RPAP2: variants seen among roughly 807,000 people sequenced by gnomAD.
The protein encoded by RPAP2 is putative RNA polymerase II subunit B1 CTD phosphatase RPAP2.
Under a neutral mutation model 73.1 loss-of-function variants are expected in RPAP2, and 52 were observed. That is an observed-to-expected ratio of 0.71 (90% CI 0.57 to 0.90). The LOEUF is 0.90. Ranked by LOEUF, RPAP2 falls within the 40% of genes least tolerant of loss-of-function variation. The pLI is 0.00. For missense variants in RPAP2, 598 were observed against 701.8 expected (o/e 0.85, Z 1.67); for synonymous variants, 225 against 242.1 (o/e 0.93, Z 0.65).
chr1:92,342,797 T>A (rs1653672020), intron 10 of RPAP2, among the ~76,000 whole-genome samples: 1 of 152,126 alleles, frequency 6.6e-6, no homozygotes, highest in Admixed American at 6.5e-5. Context: ...ATTTGTGGCC[T>A]GAGCAACTGG....
In RPAP2 at chr1:92,380,886, G is replaced by A. The variant is rs1358858824; in HGVS notation, c.1838+13G>A. The A allele has an allele frequency of 2.6e-6, 4 of 1,537,970 alleles. No individual in the cohort carries two copies. Among genetic ancestry groups the A allele is most frequent in the East Asian group, 4.9e-5 (2 of 41,206 alleles). The stretch of plus-strand genomic sequence containing the variant: ...GTTTACCAGAGTGGTAAGTTGGATT[G>A]TGTTTTATTTTGGTTTTTATTCTTC... On this transcript the variant is annotated intron_variant, in intron 12 of 12. Transcript: ENST00000610020.
intron 7 of RPAP2, among the ~76,000 whole-genome samples, chr1:92,322,425 T>G (rs980776484): frequency 2.0e-5 from 3 of 151,304 alleles, no homozygotes; most frequent in African/African-American, 4.9e-5. Context: ...GCACCTGTAA[T>G]CCCAGCTACT....
chr1:92,376,434 C>T (rs116505298), intron 11 of RPAP2, among the ~76,000 whole-genome samples: 3,671 of 152,236 alleles, frequency 0.024, 62 homozygotes, highest in Admixed American at 0.036. Context: ...ACTGACTAAA[C>T]TTTCCAAGAA....
chr1:92,324,775 G>C (rs1286308878), intron 8 of RPAP2, among the ~76,000 whole-genome samples: 4 of 152,058 alleles, frequency 2.6e-5, no homozygotes, highest in Non-Finnish European at 4.4e-5. Context: ...GAATAGACTT[G>C]GTAGTTACAT....
intron 11 of RPAP2, among the ~76,000 whole-genome samples, chr1:92,349,432 G>A (rs546788492): frequency 1.3e-5 from 2 of 152,224 alleles, no homozygotes; most frequent in East Asian, 3.9e-4. Flanking sequence ...GTATTAGTAT[G>A]TTGCTATAAT....
rs1444810964 is a variant in RPAP2 at position 92,324,296 on chromosome 1, T to C, written c.1376T>C (p.Leu459Ser). ...YENLKKETEKLNLRIREFYRG... is the reference protein window; with the variant it reads ...YENLKKETEKSNLRIREFYRG... The stretch of plus-strand genomic sequence containing the variant: ...AATTTGAAAAAAGAAACTGAAAAGT[T>C]AAATCTGAGGATCAGGGAGTTTTAC... The change falls in exon 8 of 13, where the codon TTA (leucine) becomes TCA (serine). Residue 459 changes from leucine to serine, a missense_variant. Physicochemically the swap from Leu to Ser is moderately radical, Grantham distance 145. Around this residue, in one of 3 missense-constraint regions of RPAP2, gnomAD observed 506 missense variants for 612.8 expected, o/e 0.83. Transcript: ENST00000610020. 1.2e-6 allele frequency: 2 copies of C among 1,614,044 alleles called. No homozygotes were observed. The highest frequency in any genetic ancestry group is 1.7e-5 in the Admixed American group (1 of 60,024).
chr1:92,336,046 T>C (rs1653261108), intron 9 of RPAP2, among the ~76,000 whole-genome samples: 1 of 152,202 alleles, frequency 6.6e-6, no homozygotes, highest in Admixed American at 6.5e-5. Context: ...TCTTTCCATC[T>C]TGGTCTAATA....
At chr1:92,380,646 C>T in intron 11 of RPAP2, 78 bp from the exon 12 acceptor site, 1 of 984,890 alleles carries the variant, frequency 1.0e-6, no homozygotes, top group Non-Finnish European at 1.4e-6. Context: ...ATAAAATTTT[C>T]TCTGCCATGT....
intron 6 of RPAP2, among the ~76,000 whole-genome samples, chr1:92,314,188 CCAGTCT>C (rs1437529998): frequency 6.6e-6 from 1 of 152,156 alleles, no homozygotes; most frequent in Non-Finnish European, 1.5e-5. Context: ...TAGCTTTTGG[CCAGTCT>C]CAGCTTTTGA....
chr1:92,333,540 T>C (rs934483874), intron 9 of RPAP2, 67 bp downstream of exon 9: 5 of 1,039,822 alleles, frequency 4.8e-6, no homozygotes, highest in Non-Finnish European at 7.5e-6. Context: ...AAGCTCATAA[T>C]GTGTAAGTAT....
At position 92,317,596 on chromosome 1, in the gene RPAP2, T is replaced by C. The variant is rs1027226388; in HGVS notation, c.489-3003T>C. 2.6e-5 allele frequency among the ~76,000 whole-genome samples: 4 copies of C among 152,156 alleles called. No individual in the cohort carries two copies. The East Asian group carries it at 5.8e-4, about 22-fold the overall frequency. The stretch of plus-strand genomic sequence containing the variant: ...CCATCTAGCAGACAATTTGGGAAGA[T>C]GAAAAAGTGCTGGAGATGCATGGTG... On this transcript the variant is annotated intron_variant, in intron 6 of 12. Coordinates refer to ENST00000610020, the MANE Select transcript of RPAP2 (RefSeq NM_024813.3).
chr1:92,363,756 T>C, intron 11 of RPAP2: 1 of 353,560 alleles, frequency 2.8e-6, no homozygotes, highest in Non-Finnish European at 5.6e-6. Flanking sequence ...ATGATCTACT[T>C]CCACTTAATG....
chr1:92,354,606 A>G (rs1654371609), intron 11 of RPAP2, among the ~76,000 whole-genome samples: 1 of 152,222 alleles, frequency 6.6e-6, no homozygotes, highest in Admixed American at 6.5e-5. Context: ...TTAAATGCAA[A>G]CATTAACAGG....
At chr1:92,369,824 G>C (rs1655076025) in intron 11 of RPAP2, among the ~76,000 whole-genome samples, 2 of 152,100 alleles carry the variant, frequency 1.3e-5, no homozygotes, top group South Asian at 4.1e-4. Context: ...GCAGGTGTTT[G>C]GTAAGATCTT....
At chr1:92,373,250 A>T (rs990420246) in intron 11 of RPAP2, among the ~76,000 whole-genome samples, 1 of 152,214 alleles carries the variant, frequency 6.6e-6, no homozygotes, top group East Asian at 1.9e-4. Context: ...GGATCCTACC[A>T]TGCAGAGAAC....
rs1655939926 is a variant in RPAP2 at position 92,388,521 on chromosome 1, C to T, written c.*1510C>T. ...GTTCGTCTCACTGGGACTGGCTGGA[C>T]AGTGGGTGTAGCCCACAGAGGGTTA... On this transcript the variant is annotated 3_prime_UTR_variant, in exon 13 of 13. Transcript: ENST00000610020. 6.6e-6 allele frequency: 1 copy of T among 152,282 alleles called. No homozygotes were observed. Among genetic ancestry groups the T allele is most frequent in the African/African-American group, 2.4e-5 (1 of 41,470 alleles). The allele number at this position is 152,282 out of a possible 1,614,324, so 9.4% of individuals were successfully genotyped here.
At chr1:92,347,416 TA>T (rs1275302033) in intron 11 of RPAP2, among the ~76,000 whole-genome samples, 2 of 152,188 alleles carry the variant, frequency 1.3e-5, no homozygotes, top group Non-Finnish European at 2.9e-5. Context: ...TGCAATTCAT[TA>T]TACTAAAGGG....
intron 6 of RPAP2, among the ~76,000 whole-genome samples, chr1:92,314,521 C>T (rs546099537): frequency 3.3e-5 from 5 of 149,644 alleles, no homozygotes; most frequent in Non-Finnish European, 5.9e-5. Flanking sequence ...AGGCCAAGGC[C>T]GGTGGATCAC....
chr1:92,311,573 G>A (rs1342702088), intron 6 of RPAP2, among the ~76,000 whole-genome samples: 1 of 152,116 alleles, frequency 6.6e-6, no homozygotes, highest in Non-Finnish European at 1.5e-5. Context: ...TTTGAACTTG[G>A]CATCACTGAG....
Sources: gnomAD v4.1 joint callset for allele counts (sites outside exome capture counted in the v4.1 genomes callset) on GRCh38, gnomAD v4.1.1 for gene constraint, gnomAD v4.1.1 regional missense constraint, MANE v1.5 for transcripts, NCBI Gene and HGNC (gene_info 2026-07-23, HGNC 2026-07-21) for gene names.